The following DOT1L variants were observed in gnomAD, a reference collection of about 807,000 sequenced individuals.
The protein encoded by DOT1L is DOT1 like histone lysine methyltransferase.
DOT1L carries 33 observed loss-of-function variants against 153.3 expected under a neutral mutation model. The ratio of observed to expected loss-of-function variants is 0.22; its 90% CI spans 0.16 to 0.29. DOT1L has a LOEUF of 0.29. Among genes scored for constraint, DOT1L ranks in the 10% least tolerant of loss-of-function variants. DOT1L has a pLI of 1.00. For missense variants in DOT1L, 1,847 were observed against 2,119.9 expected, an observed-to-expected ratio of 0.87 and a Z score of 2.53; for synonymous variants, 1,135 against 965.1, an observed-to-expected ratio of 1.18 and a Z score of -3.26.
chr19:2,209,753 G>A (rs562765160), intron 12 of DOT1L, among the ~76,000 whole-genome samples: 8 of 152,336 alleles, frequency 5.3e-5, no homozygotes, highest in East Asian at 1.9e-4. Context: ...ACCAGCATGC[G>A]GAGAACCCCG....
intron 19 of DOT1L, chr19:2,215,681 G>A (rs1300201796): frequency 1.3e-5 from 2 of 152,326 alleles, no homozygotes; most frequent in Non-Finnish European, 2.9e-5. Context: ...CCTCACGTGT[G>A]TGGCCCAGGC....
At chr19:2,186,220 T>C (rs1227990775) in intron 3 of DOT1L, among the ~76,000 whole-genome samples, 3 of 152,282 alleles carry the variant, frequency 2.0e-5, no homozygotes, top group Admixed American at 1.3e-4. Context: ...AGCGGGCGGC[T>C]GACGGCCAGA....
intron 1 of DOT1L, among the ~76,000 whole-genome samples, chr19:2,175,190 G>A (rs2021866229): frequency 6.6e-6 from 1 of 152,062 alleles, no homozygotes; most frequent in African/African-American, 2.4e-5. Flanking sequence ...AGTAGAGACA[G>A]GGTTTCACTG....
At chr19:2,173,677 C>T (rs1024117445) in intron 1 of DOT1L, among the ~76,000 whole-genome samples, 9 of 152,336 alleles carry the variant, frequency 5.9e-5, no homozygotes, top group East Asian at 3.9e-4. Context: ...ACGGGTTCTG[C>T]GGGCTGCCCG....
intron 27 of DOT1L, chr19:2,227,555 CG>C (rs1317712533): frequency 7.9e-6 from 5 of 633,290 alleles, no homozygotes; most frequent in East Asian, 8.3e-5. Flanking sequence ...TGCTGCGGGG[CG>C]GGGGGCCGGA....
rs1196790343 is a variant in DOT1L, at chr19:2,207,028, T to A, written c.856+231T>A. 6.6e-6 allele frequency among the ~76,000 whole-genome samples: 1 copy of A among 152,164 alleles called. No homozygotes were observed. Among genetic ancestry groups the A allele is most frequent in the Non-Finnish European group, 1.5e-5 (1 of 68,014 alleles). ...CCACACACGTCCCCATAGAGCACTGTGTGCCATGGGGGTAGAATCACTCCT... is the reference window on the plus strand; with the variant it reads ...CCACACACGTCCCCATAGAGCACTGAGTGCCATGGGGGTAGAATCACTCCT... On this transcript the variant is annotated intron_variant, in intron 10 of 27. Coordinates refer to ENST00000398665, the MANE Select transcript of DOT1L (RefSeq NM_032482.3). The surrounding 1 kb of genome is among the most constrained non-coding windows in gnomAD (Gnocchi z 4.5).
chr19:2,174,808 A>C (rs535173108), intron 1 of DOT1L, among the ~76,000 whole-genome samples: 231 of 151,034 alleles, frequency 1.5e-3, no homozygotes, highest in Non-Finnish European at 1.2e-4. Flanking sequence ...AAAAGCAAAA[A>C]CTTTTTTTGA....
At chr19:2,179,341 C>T (rs2022114411) in intron 1 of DOT1L, among the ~76,000 whole-genome samples, 2 of 149,282 alleles carry the variant, frequency 1.3e-5, no homozygotes, top group South Asian at 4.2e-4. Flanking sequence ...CTGGGAGAGG[C>T]TCGCTGAGGC....
At position 2,207,445 on chromosome 19, in the gene DOT1L, G is replaced by T. The variant is rs951618738; in HGVS notation, c.857-129G>T. ...CCTCTGTGGGCCACTGTGGCCTGAC[G>T]CAGTGTGGGAGAAGAGGGAAGACGC... On this transcript the variant is annotated intron_variant, in intron 10 of 27. Transcript: ENST00000398665. The surrounding 1 kb of genome is among the most constrained non-coding windows in gnomAD (Gnocchi z 4.5). The T allele has an allele frequency of 2.9e-5, 21 of 733,310 alleles. No homozygotes were observed. The highest frequency in any genetic ancestry group is 4.4e-5 in the Non-Finnish European group (20 of 456,424). The allele number at this position is 733,310 out of a possible 1,614,324, so 45.4% of individuals were successfully genotyped here.
intron 2 of DOT1L, among the ~76,000 whole-genome samples, chr19:2,184,001 G>C (rs961212775): frequency 2.6e-5 from 4 of 152,074 alleles, no homozygotes; most frequent in Admixed American, 1.3e-4. Flanking sequence ...TTTGCCTATC[G>C]GCCATGCCCC....
At chr19:2,176,401 C>T (rs555364003) in intron 1 of DOT1L, among the ~76,000 whole-genome samples, 6 of 152,258 alleles carry the variant, frequency 3.9e-5, no homozygotes, top group South Asian at 4.1e-4. Context: ...GGGCACGGCT[C>T]GCGGGAGTTG....
chr19:2,205,379 A>T (rs2023452892), intron 9 of DOT1L, among the ~76,000 whole-genome samples: 1 of 152,146 alleles, frequency 6.6e-6, no homozygotes. Context: ...CCTGCAGCAC[A>T]CACAAGATGC....
chr19:2,228,172 A>C (rs1231631044), intron 27 of DOT1L: 5 of 1,363,780 alleles, frequency 3.7e-6, no homozygotes, highest in Non-Finnish European at 4.9e-6. Flanking sequence ...TCCCTCCCGC[A>C]CAAGGGCGCC....
rs1255977040 is a variant in DOT1L at position 2,231,282 on chromosome 19, T to C, written c.*1490T>C. On this transcript the variant is annotated 3_prime_UTR_variant, in exon 28 of 28. Coordinates refer to ENST00000398665, the MANE Select transcript of DOT1L (RefSeq NM_032482.3). ...CTGTGAGATGGCATCGGGGAGCCCC[T>C]TCCCCAAGGTGCCACAGATCCACCC... 2 of 222,676 alleles carry C rather than the reference T, an allele frequency of 9.0e-6. No homozygotes were observed. The highest frequency in any genetic ancestry group is 1.8e-5 in the Non-Finnish European group (2 of 111,470). The allele number at this position is 222,676 out of a possible 1,614,324, so 13.8% of individuals were successfully genotyped here. A position where few individuals can be genotyped will look rare whatever the true frequency, so the allele number is the denominator to read the frequency against.
chr19:2,210,495 C>T lies in DOT1L; in HGVS notation c.1101C>T (p.Pro367=), dbSNP rs771284523. 45 of 1,593,740 alleles carry T rather than the reference C, an allele frequency of 2.8e-5. No homozygotes were observed. The highest frequency in any genetic ancestry group is 1.9e-4 in the South Asian group (17 of 90,288). Residue 367 remains proline, a synonymous_variant, in exon 13 of 28, where the codon CCC becomes CCT. Coordinates refer to ENST00000398665, the MANE Select transcript of DOT1L (RefSeq NM_032482.3). ...GCCCAGAGGGCAAGGTGGCCGGCCCCGCCGACGCCCCCATGGTAAGGCCCC... is the reference window on the plus strand; with the variant it reads ...GCCCAGAGGGCAAGGTGGCCGGCCCTGCCGACGCCCCCATGGTAAGGCCCC... ...TKGPEGKVAG[P]ADAPMDSGAE...
intron 25 of DOT1L, among the ~76,000 whole-genome samples, chr19:2,224,786 G>C (rs368035504): frequency 6.6e-6 from 1 of 152,202 alleles, no homozygotes; most frequent in Non-Finnish European, 1.5e-5. Context: ...GTGTTAGTTC[G>C]TTCTGCTCCT....
intron 7 of DOT1L, among the ~76,000 whole-genome samples, chr19:2,195,689 G>T (rs551015625): frequency 1.3e-5 from 2 of 152,132 alleles, no homozygotes; most frequent in Non-Finnish European, 2.9e-5. Context: ...CGGGCACCAG[G>T]TCACCACCCT....
chr19:2,166,339 G>T (rs965538045), intron 1 of DOT1L, among the ~76,000 whole-genome samples: 4 of 148,144 alleles, frequency 2.7e-5, no homozygotes, highest in Non-Finnish European at 6.0e-5. Context: ...CTGGTGATCC[G>T]CCTGCCTCGG....
intron 3 of DOT1L, among the ~76,000 whole-genome samples, chr19:2,189,239 C>T (rs370810187): frequency 6.6e-6 from 1 of 152,208 alleles, no homozygotes; most frequent in African/African-American, 2.4e-5. Context: ...ATCTTCCTTT[C>T]TGCAGTGCTC....
Sources: allele counts gnomAD v4.1 joint callset (sites outside exome capture counted in the v4.1 genomes callset), GRCh38; gene constraint gnomAD v4.1.1; non-coding constraint Gnocchi (gnomAD v3.1); transcripts MANE v1.5; gene names NCBI Gene and HGNC (gene_info 2026-07-23, HGNC 2026-07-21).